MSN: variants seen among roughly 807,000 people sequenced by gnomAD.
MSN encodes the protein epididymis luminal protein 70.
Under a neutral mutation model 48.0 loss-of-function variants are expected in MSN, and 2 were observed. The ratio of observed to expected loss-of-function variants is 0.04; its 90% confidence interval spans 0.02 to 0.13. The LOEUF (loss-of-function observed/expected upper bound fraction) is 0.13. Among genes scored for constraint, MSN ranks in the 10% least tolerant of loss-of-function variants. The pLI is 1.00. For synonymous variants in MSN, 146 were observed against 166.9 expected (o/e 0.87, Z 0.97); for missense variants, 267 against 470.1 (o/e 0.57, Z 3.99).
intron 1 of MSN, among the ~76,000 whole-genome samples, chrX:65,637,974 G>A (rs1198711291): frequency 2.7e-5 from 3 of 111,612 alleles, no homozygotes; most frequent in Non-Finnish European, 5.6e-5. Context: ...TTTATTGCCC[G>A]TCTTCCCCCA....
At chrX:65,626,370 C>G (rs1437726816) in intron 1 of MSN, among the ~76,000 whole-genome samples, 3 of 111,737 alleles carry the variant, frequency 2.7e-5, no homozygotes, top group Non-Finnish European at 5.6e-5. Context: ...TTGTTGAAAA[C>G]TGTACGTTTG....
chrX:65,615,963 A>T (rs1174753236), intron 1 of MSN, among the ~76,000 whole-genome samples: 1 of 110,852 alleles, frequency 9.0e-6, no homozygotes, highest in Non-Finnish European at 1.9e-5. Flanking sequence ...TAAATAGGGA[A>T]CCCTTTCCCC....
intron 1 of MSN, among the ~76,000 whole-genome samples, chrX:65,695,082 G>A (rs1478999970): frequency 1.1e-5 from 1 of 94,667 alleles, no homozygotes; most frequent in Non-Finnish European, 2.1e-5. Flanking sequence ...GTGTGTCTGC[G>A]TGTGTGTGTG....
chrX:65,724,775 C>A (rs1232180588), intron 2 of MSN, among the ~76,000 whole-genome samples: 1 of 111,339 alleles, frequency 9.0e-6, no homozygotes, highest in Non-Finnish European at 1.9e-5. Flanking sequence ...CATCCTCCAC[C>A]TCCCAGGTTC....
intron 1 of MSN, among the ~76,000 whole-genome samples, chrX:65,705,091 C>T (rs1288922621): frequency 1.8e-5 from 2 of 111,166 alleles, no homozygotes; most frequent in Non-Finnish European, 3.8e-5. Flanking sequence ...GGTTTTTAGC[C>T]CCTCCTCCCA....
chrX:65,730,657 G>A (rs1472962503), intron 4 of MSN, among the ~76,000 whole-genome samples: 1 of 110,492 alleles, frequency 9.1e-6, no homozygotes, highest in Non-Finnish European at 1.9e-5. Flanking sequence ...TCAGTTCATT[G>A]CTCTGTAGCC....
At position 65,740,133 on chromosome X, in the gene MSN, A is replaced by T; in HGVS notation, c.*240A>T. The T allele has an allele frequency of 3.1e-6, 1 of 323,419 alleles. No homozygotes were observed. The allele number at this position is 323,419 out of a possible 1,213,427, so 26.7% of individuals were successfully genotyped here. ...CTCCTTTCTCTTCTCTGTTCCATTG[A>T]ATCTGTATGGCTAGAATATCCTACT... is the stretch of plus-strand genomic sequence containing the variant. On this transcript the variant is annotated 3_prime_UTR_variant, in exon 13 of 13. Transcript: ENST00000360270.
chrX:65,660,854 C>A (rs934864843), intron 1 of MSN, among the ~76,000 whole-genome samples: 28 of 111,892 alleles, frequency 2.5e-4, no homozygotes, highest in African/African-American at 7.5e-4. Flanking sequence ...CGTGGGCCAC[C>A]GTGCCCAGCC....
chrX:65,622,415 C>A (rs1380105798), intron 1 of MSN, among the ~76,000 whole-genome samples: 2 of 109,560 alleles, frequency 1.8e-5, no homozygotes, highest in African/African-American at 6.6e-5. Context: ...TCTTCTTTTT[C>A]AATTCTGATG....
intron 1 of MSN, among the ~76,000 whole-genome samples, chrX:65,606,915 A>T (rs1223106553): frequency 1.8e-5 from 2 of 112,674 alleles, no homozygotes; most frequent in African/African-American, 6.4e-5. Context: ...TACAAAACAG[A>T]CATAAATGAC....
At chrX:65,624,038 T>G (rs1258187157) in intron 1 of MSN, among the ~76,000 whole-genome samples, 2 of 110,744 alleles carry the variant, frequency 1.8e-5, no homozygotes, top group Non-Finnish European at 3.8e-5. Context: ...TTTGTAATAA[T>G]TTTTATTTTT....
At chrX:65,721,215 C>G (rs2071513768) in intron 2 of MSN, among the ~76,000 whole-genome samples, 1 of 112,115 alleles carries the variant, frequency 8.9e-6, no homozygotes, top group Admixed American at 9.4e-5. Flanking sequence ...AGGTCAGGTT[C>G]CATGGGGTGA....
Position 65,715,368 on chromosome X carries a change from G to T in MSN, c.13-1450G>T, listed in dbSNP as rs141811241. ...CCTAGTTCTGTGAAGAATGTCATTG[G>T]TAGTTTGATAGGAATAGCATTGAGT... On this transcript the variant is annotated intron_variant, in intron 1 of 12. Coordinates refer to ENST00000360270, the MANE Select transcript of MSN (RefSeq NM_002444.3). Among the ~76,000 whole-genome samples, 506 of 111,787 alleles carry T rather than the reference G, an allele frequency of 4.5e-3. 4 individuals carry two copies. Among genetic ancestry groups the T allele is most frequent in the African/African-American group, 0.016 (494 of 30,723 alleles).
chrX:65,650,052 CTTTTTTTTT>C (rs59222247), intron 1 of MSN, among the ~76,000 whole-genome samples: 2 of 53,195 alleles, frequency 3.8e-5, no homozygotes, highest in Admixed American at 5.2e-4. Context: ...CCTTTTTTCT[CTTTTTTTTT>C]TTTTTTTTTT....
intron 1 of MSN, among the ~76,000 whole-genome samples, chrX:65,603,691 C>T (rs989890786): frequency 1.8e-5 from 2 of 112,292 alleles, no homozygotes; most frequent in Admixed American, 9.4e-5. Flanking sequence ...CTTCAGACTC[C>T]GGAAGAATAA....
chrX:65,612,506 A>G (rs1300876789), intron 1 of MSN, among the ~76,000 whole-genome samples: 2 of 110,640 alleles, frequency 1.8e-5, no homozygotes, highest in Admixed American at 1.9e-4. Flanking sequence ...ATAATTTGCA[A>G]CTATTTTCTC....
intron 1 of MSN, among the ~76,000 whole-genome samples, chrX:65,708,250 A>G (rs1402952436): frequency 8.9e-6 from 1 of 111,956 alleles, no homozygotes; most frequent in Non-Finnish European, 1.9e-5. Flanking sequence ...TACAATATAT[A>G]GTGATCAGAT....
intron 1 of MSN, among the ~76,000 whole-genome samples, chrX:65,601,797 G>GT (rs1389014757): frequency 8.9e-6 from 1 of 112,617 alleles, no homozygotes; most frequent in Non-Finnish European, 1.9e-5. Context: ...CAGGCAGCCT[G>GT]TTTTTTCTTC....
At chrX:65,695,289 T>A (rs1185150956) in intron 1 of MSN, among the ~76,000 whole-genome samples, 1 of 109,963 alleles carries the variant, frequency 9.1e-6, no homozygotes, top group Non-Finnish European at 1.9e-5. Flanking sequence ...TAACCTGAGG[T>A]CAGGAGTTCG....
Sources: gnomAD v4.1 joint callset for allele counts (sites outside exome capture counted in the v4.1 genomes callset) on GRCh38, gnomAD v4.1.1 for gene constraint, MANE v1.5 for transcripts, NCBI Gene and HGNC (gene_info 2026-07-23, HGNC 2026-07-21) for gene names.